PTPRD: variants seen among roughly 807,000 people sequenced by gnomAD.
PTPRD encodes the protein receptor-type tyrosine-protein phosphatase delta.
PTPRD carries 34 observed loss-of-function variants against 214.5 expected under a neutral mutation model. That is an observed-to-expected ratio of 0.16 (90% CI 0.12 to 0.21). The LOEUF (loss-of-function observed/expected upper bound fraction) is 0.21. Ranked by LOEUF, PTPRD falls within the 10% of genes least tolerant of loss-of-function variation. The pLI is 1.00. For synonymous variants in PTPRD, 1,128 were observed against 845.7 expected (o/e 1.33, Z -5.79); for missense variants, 2,545 against 2,398.7 (o/e 1.06, Z -1.27).
At position 9,702,415 on chromosome 9, in the gene PTPRD, G is replaced by C. The variant is rs554467458; in HGVS notation, c.-287+32118C>G. 1.1e-4 allele frequency among the ~76,000 whole-genome samples: 16 copies of C among 152,080 alleles called. 1 individual carries two copies. Among genetic ancestry groups the C allele is most frequent in the Non-Finnish European group, 2.1e-4 (14 of 68,008 alleles). On this transcript the variant is annotated intron_variant, in intron 7 of 45. Transcript: ENST00000381196. ...ATAGTTTCACAGTGGGCTTTTTCTG[G>C]GTCAGATGTTCTAAAGATGACAAAT...
chr9:9,321,376 T>G (rs1966407901), intron 9 of PTPRD, among the ~76,000 whole-genome samples: 1 of 151,880 alleles, frequency 6.6e-6, no homozygotes, highest in African/African-American at 2.4e-5. Context: ...ACCAATATGG[T>G]GAAACCCCAT....
intron 12 of PTPRD, among the ~76,000 whole-genome samples, chr9:8,668,234 T>C (rs770999729): frequency 6.6e-6 from 1 of 152,214 alleles, no homozygotes; most frequent in Non-Finnish European, 1.5e-5. Flanking sequence ...GAAAGCCACA[T>C]GCTCATTTAT....
chr9:8,434,644 A>G (rs2095266742), intron 35 of PTPRD, among the ~76,000 whole-genome samples: 1 of 152,210 alleles, frequency 6.6e-6, no homozygotes, highest in South Asian at 2.1e-4. Flanking sequence ...TCAAAAATAA[A>G]TAATTAAAGC....
In PTPRD at chr9:8,331,605, A is replaced by G. The variant is rs373521015; in HGVS notation, c.5511T>C (p.Asp1837=). The change falls in exon 44 of 46, where the codon GAT becomes GAC. Residue 1837 remains aspartate, a synonymous_variant. Transcript: ENST00000381196. ...VHKTKEQFGQ[D]GPISVHCSAG... is the part of the protein sequence containing the mutation. ...ACCTGCAATGGACTGAAATGGGTCCATCTTGGCCAAACTGTTCTTTTGTTT... is the reference window on the plus strand; with the variant it reads ...ACCTGCAATGGACTGAAATGGGTCCGTCTTGGCCAAACTGTTCTTTTGTTT... The G allele has an allele frequency of 1.0e-5, 15 of 1,453,568 alleles. No individual in the cohort carries two copies. Among genetic ancestry groups the G allele is most frequent in the Non-Finnish European group, 1.3e-5 (14 of 1,101,272 alleles). The allele number at this position is 1,453,568 out of a possible 1,614,324, so 90.0% of individuals were successfully genotyped here.
chr9:9,817,680 C>A (rs148845340), intron 5 of PTPRD, among the ~76,000 whole-genome samples: 1 of 152,046 alleles, frequency 6.6e-6, no homozygotes, highest in South Asian at 2.1e-4. Context: ...ATAAAACAAA[C>A]GGGCTAAGGG....
At chr9:8,733,660 G>A (rs1431152718) in intron 12 of PTPRD, 120 bp downstream of exon 12, 10 of 1,001,532 alleles carry the variant, frequency 1.0e-5, no homozygotes, top group Admixed American at 2.1e-5. Flanking sequence ...GGAGGATCCC[G>A]CAGTGTCTCA....
chr9:8,894,460 G>C lies in PTPRD; in HGVS notation c.-104+124237C>G, dbSNP rs192802746. Among the ~76,000 whole-genome samples, 126 of 145,580 alleles carry C rather than the reference G, an allele frequency of 8.7e-4. 1 individual carries two copies. Among genetic ancestry groups the C allele is most frequent in the Middle Eastern group, 7.7e-3 (2 of 260 alleles). On this transcript the variant is annotated intron_variant, in intron 11 of 45. Coordinates refer to ENST00000381196, the MANE Select transcript of PTPRD (RefSeq NM_002839.4). ...AACCAGACACTGACAAATACATATT[G>C]CATGATTTATATAAAAACAAAAGTC... is the stretch of plus-strand genomic sequence containing the variant.
intron 3 of PTPRD, among the ~76,000 whole-genome samples, chr9:10,335,051 AC>A (rs902771916): frequency 1.3e-5 from 2 of 151,584 alleles, no homozygotes; most frequent in African/African-American, 2.4e-5. Flanking sequence ...CCCAATCAAA[AC>A]CCCAGCCAGT....
chr9:9,515,948 T>C (rs1461497154), intron 8 of PTPRD, among the ~76,000 whole-genome samples: 1 of 152,116 alleles, frequency 6.6e-6, no homozygotes. Flanking sequence ...TGAGATTAGA[T>C]TTCACATTTG....
intron 9 of PTPRD, among the ~76,000 whole-genome samples, chr9:9,230,552 T>C (rs1229099864): frequency 6.6e-6 from 1 of 152,072 alleles, no homozygotes; most frequent in African/African-American, 2.4e-5. Flanking sequence ...GACATCTGGA[T>C]TGGGTTCAGT....
intron 5 of PTPRD, among the ~76,000 whole-genome samples, chr9:9,915,685 GA>G (rs961507106): frequency 4.8e-5 from 7 of 147,006 alleles, no homozygotes; most frequent in East Asian, 4.0e-4. Flanking sequence ...AATGAACCAG[GA>G]AAAAAAAATA....
intron 44 of PTPRD, among the ~76,000 whole-genome samples, chr9:8,321,338 C>G (rs144690269): frequency 2.1e-3 from 318 of 151,288 alleles, no homozygotes; most frequent in African/African-American, 6.6e-3. Context: ...AAAAAAAGAA[C>G]AGACATTGGA....
chr9:10,482,358 A>C (rs181433792), intron 2 of PTPRD, among the ~76,000 whole-genome samples: 5 of 151,988 alleles, frequency 3.3e-5, no homozygotes, highest in East Asian at 1.9e-4. Flanking sequence ...GCGACAGAGC[A>C]AGACTCCGTT....
At chr9:9,141,937 C>A (rs2099861175) in intron 10 of PTPRD, among the ~76,000 whole-genome samples, 1 of 152,184 alleles carries the variant, frequency 6.6e-6, no homozygotes, top group South Asian at 2.1e-4. Context: ...TGTCCCCTTT[C>A]TACCAGAGAG....
intron 2 of PTPRD, among the ~76,000 whole-genome samples, chr9:10,372,127 G>C (rs978241138): frequency 3.9e-5 from 6 of 151,912 alleles, no homozygotes; most frequent in Non-Finnish European, 7.4e-5. Flanking sequence ...AGGAGAAAGA[G>C]AATAATTTTT....
intron 11 of PTPRD, among the ~76,000 whole-genome samples, chr9:8,954,158 C>G (rs2099118765): frequency 6.6e-6 from 1 of 151,878 alleles, no homozygotes; most frequent in South Asian, 2.1e-4. Context: ...GAATACAATG[C>G]AGACATTAAA....
At chr9:8,445,735 C>T (rs567741256) in intron 34 of PTPRD, among the ~76,000 whole-genome samples, 1 of 152,172 alleles carries the variant, frequency 6.6e-6, no homozygotes, top group Non-Finnish European at 1.5e-5. Flanking sequence ...TCTGATGCAG[C>T]AATCGGTTAA....
At chr9:9,495,501 G>A (rs1328679567) in intron 8 of PTPRD, among the ~76,000 whole-genome samples, 1 of 151,906 alleles carries the variant, frequency 6.6e-6, no homozygotes, top group Non-Finnish European at 1.5e-5. Context: ...CCTATCCTGT[G>A]CCTATAAAGA....
intron 33 of PTPRD, among the ~76,000 whole-genome samples, chr9:8,453,072 A>G (rs904396181): frequency 6.6e-6 from 1 of 152,218 alleles, no homozygotes; most frequent in Non-Finnish European, 1.5e-5. Flanking sequence ...TTATTTGTGT[A>G]TAAAATAGAG....
Sources: allele counts gnomAD v4.1 joint callset (sites outside exome capture counted in the v4.1 genomes callset), GRCh38; gene constraint gnomAD v4.1.1; transcripts MANE v1.5; gene names NCBI Gene and HGNC (gene_info 2026-07-23, HGNC 2026-07-21).